SLC27A6: variants seen among roughly 807,000 people sequenced by gnomAD.
SLC27A6 encodes solute carrier family 27 member 6.
Under a neutral mutation model 63.9 loss-of-function variants are expected in SLC27A6, and 74 were observed. The ratio of observed to expected loss-of-function variants is 1.16; its 90% CI spans 0.96 to 1.40. SLC27A6 has a LOEUF of 1.40. SLC27A6 is among the 40% of genes most tolerant of loss of function. The probability of loss-of-function intolerance (pLI) is 0.00; values close to 1 mark genes in which losing one functional copy is unlikely to be tolerated. For synonymous variants in SLC27A6, 287 were observed against 260.8 expected (o/e 1.10, Z -0.97); for missense variants, 794 against 732.9 (o/e 1.08, Z -0.96).
intron 5 of SLC27A6, among the ~76,000 whole-genome samples, chr5:129,017,535 A>G (rs1412737958): frequency 6.6e-6 from 1 of 152,158 alleles, no homozygotes; most frequent in Non-Finnish European, 1.5e-5. Flanking sequence ...AGGAAATAAT[A>G]AAGAGCAGAA....
chr5:128,976,052 A>AC (rs1489501919), intron 1 of SLC27A6, among the ~76,000 whole-genome samples: 4 of 151,864 alleles, frequency 2.6e-5, no homozygotes, highest in Non-Finnish European at 5.9e-5. Context: ...GAAAAAAAAA[A>AC]CAAAAAGCCA....
At chr5:129,032,955 A>G (rs1324002074) in intron 9 of SLC27A6, 151 bp from the exon 10 acceptor site, 5 of 431,456 alleles carry the variant, frequency 1.2e-5, no homozygotes, top group Non-Finnish European at 2.0e-5. Context: ...TCTAAAATAC[A>G]TTTTTTATTT....
chr5:128,973,592 T>C (rs1750270110), intron 1 of SLC27A6, among the ~76,000 whole-genome samples: 1 of 152,190 alleles, frequency 6.6e-6, no homozygotes, highest in Non-Finnish European at 1.5e-5. Flanking sequence ...GCACGGGATA[T>C]AGTTTCCTGG....
chr5:129,027,216 A>T lies in SLC27A6; in HGVS notation c.1339A>T (p.Lys447Ter), dbSNP rs769090885. 5.6e-6 allele frequency: 9 copies of T among 1,613,434 alleles called. No individual in the cohort carries two copies. The South Asian group carries it at 9.9e-5, about 18-fold the overall frequency. ...YAGPYKHTKD[K>*]LLCDVFKKGD... Reference sequence around the variant, plus strand: ...TGGGCCTTATAAGCACACAAAAGACAAATTGCTTTGTGATGTTTTTAAGAA... The same window carrying T: ...TGGGCCTTATAAGCACACAAAAGACTAATTGCTTTGTGATGTTTTTAAGAA... Residue 447 changes from lysine (K) to a stop codon, truncating the protein, a stop_gained, in exon 7 of 10, where the codon AAA becomes TAA. Transcript: ENST00000262462. LOFTEE classifies it high-confidence loss of function.
chr5:128,985,390 A>G (rs1455184468), intron 2 of SLC27A6, 54 bp downstream of exon 2: 2 of 1,503,588 alleles, frequency 1.3e-6, no homozygotes, highest in East Asian at 4.5e-5. Context: ...TTGCAAAGCA[A>G]CAGTGTTGGG....
At chr5:128,984,965 C>T (rs1750735916) in intron 1 of SLC27A6, among the ~76,000 whole-genome samples, 168 bp from the exon 2 acceptor site, 1 of 152,148 alleles carries the variant, frequency 6.6e-6, no homozygotes, top group Non-Finnish European at 1.5e-5. Context: ...TCAGTTGGTC[C>T]TGTTGAAACG....
chr5:129,001,380 G>C (rs1032363596), intron 4 of SLC27A6, among the ~76,000 whole-genome samples: 1 of 152,152 alleles, frequency 6.6e-6, no homozygotes, highest in African/African-American at 2.4e-5. Context: ...TTGACTTGGT[G>C]TCTATATTGT....
chr5:129,004,811 A>G (rs760289226), intron 4 of SLC27A6, among the ~76,000 whole-genome samples: 5 of 152,216 alleles, frequency 3.3e-5, no homozygotes, highest in Non-Finnish European at 7.3e-5. Flanking sequence ...TATAATTAAC[A>G]ACCATCAGGC....
chr5:129,002,883 T>C (rs1751388677), intron 4 of SLC27A6, among the ~76,000 whole-genome samples: 1 of 152,230 alleles, frequency 6.6e-6, no homozygotes, highest in African/African-American at 2.4e-5. Flanking sequence ...TCGCCTGACC[T>C]GGCAGCCCAC....
chr5:129,031,772 T>G (rs939884984), intron 9 of SLC27A6, among the ~76,000 whole-genome samples: 2 of 151,960 alleles, frequency 1.3e-5, no homozygotes, highest in Non-Finnish European at 2.9e-5. Flanking sequence ...ATACTTTGTA[T>G]AATATTAAGC....
intron 4 of SLC27A6, among the ~76,000 whole-genome samples, chr5:128,996,264 A>G (rs1405257363): frequency 1.3e-5 from 2 of 152,170 alleles, no homozygotes; most frequent in Non-Finnish European, 2.9e-5. Context: ...ACATTTTGAC[A>G]TTCTCAAGGC....
chr5:129,008,647 C>G (rs1751626103), intron 4 of SLC27A6, among the ~76,000 whole-genome samples: 1 of 152,204 alleles, frequency 6.6e-6, no homozygotes, highest in Admixed American at 6.5e-5. Context: ...CAGGCAAAAT[C>G]TGCCATGCCC....
In SLC27A6 at chr5:128,990,442, G is replaced by A. The variant is rs768757659; in HGVS notation, c.947G>A (p.Arg316His). 39 of 1,612,940 alleles carry A rather than the reference G, an allele frequency of 2.4e-5. No individual in the cohort carries two copies. Among genetic ancestry groups the A allele is most frequent in the East Asian group, 2.2e-4 (10 of 44,834 alleles). Reference protein sequence around the residue: ...TVFQYIGELCRYLCKQSKREG... With the variant: ...TVFQYIGELCHYLCKQSKREG... The stretch of plus-strand genomic sequence containing the variant: ...TTTCAGTATATTGGAGAACTTTGTC[G>A]CTACCTTTGCAAACAATCTAAGGTA... Residue 316 changes from arginine to histidine, a missense_variant, in exon 4 of 10, where the codon CGC becomes CAC. Transcript: ENST00000262462.
intron 1 of SLC27A6, among the ~76,000 whole-genome samples, chr5:128,976,900 T>C (rs1401503167): frequency 6.6e-6 from 1 of 152,218 alleles, no homozygotes; most frequent in Non-Finnish European, 1.5e-5. Context: ...AATGATTTAA[T>C]ATGTGGTGTA....
chr5:128,999,956 G>C (rs1751279556), intron 4 of SLC27A6, among the ~76,000 whole-genome samples: 1 of 152,176 alleles, frequency 6.6e-6, no homozygotes, highest in Non-Finnish European at 1.5e-5. Flanking sequence ...TCCAAAAATG[G>C]CTGGAGAGCA....
At chr5:128,990,303 T>G (rs1248030839) in intron 3 of SLC27A6, 37 bp from the exon 4 acceptor site, 4 of 1,600,804 alleles carry the variant, frequency 2.5e-6, no homozygotes, top group Non-Finnish European at 2.6e-6. Flanking sequence ...GCCTTTGAAT[T>G]TTTTTCCCTA....
chr5:129,022,849 G>A (rs1275907244), intron 5 of SLC27A6, among the ~76,000 whole-genome samples: 17 of 152,164 alleles, frequency 1.1e-4, no homozygotes, highest in African/African-American at 4.1e-4. Flanking sequence ...CAAAATAGGA[G>A]GAGGTTGGAC....
intron 4 of SLC27A6, among the ~76,000 whole-genome samples, chr5:129,012,706 A>G (rs1338507921): frequency 6.6e-6 from 1 of 152,058 alleles, no homozygotes; most frequent in Non-Finnish European, 1.5e-5. Flanking sequence ...TATCTCCAGA[A>G]ATGTTGCTTT....
At chr5:128,991,732 A>AAC (rs1379457480) in intron 4 of SLC27A6, among the ~76,000 whole-genome samples, 3 of 150,924 alleles carry the variant, frequency 2.0e-5, no homozygotes, top group African/African-American at 4.8e-5. Flanking sequence ...AAAAAAAAAA[A>AAC]CCCACATTGC....
Sources: gnomAD v4.1 joint callset for allele counts (sites outside exome capture counted in the v4.1 genomes callset) on GRCh38, gnomAD v4.1.1 for gene constraint, MANE v1.5 for transcripts, NCBI Gene and HGNC (gene_info 2026-07-23, HGNC 2026-07-21) for gene names.